RRP12: variants seen among roughly 807,000 people sequenced by gnomAD.
RRP12 encodes RRP12-like protein.
In RRP12, 78 loss-of-function variants were observed where a neutral mutation model predicts 157.3. That is an observed-to-expected ratio of 0.50 (90% CI 0.41 to 0.60). The LOEUF is 0.60. Ranked by LOEUF, RRP12 falls within the 20% of genes least tolerant of loss-of-function variation. RRP12 has a pLI of 0.00. For synonymous variants in RRP12, 726 were observed against 670.9 expected (o/e 1.08, Z -1.27); for missense variants, 1,521 against 1,679.9 (o/e 0.91, Z 1.65).
At chr10:97,369,748 C>CT (rs2133045314) in intron 24 of RRP12, among the ~76,000 whole-genome samples, 166 bp from the exon 25 acceptor site, 1 of 152,348 alleles carries the variant, frequency 6.6e-6, no homozygotes, top group Non-Finnish European at 1.5e-5. Flanking sequence ...GTCTTGGGTC[C>CT]TTTCGTCACC....
Position 97,400,517 on chromosome 10 carries a change from C to T in RRP12, c.157G>A (p.Val53Ile), listed in dbSNP as rs1395008372. The T allele has an allele frequency of 1.2e-6, 2 of 1,613,766 alleles. No individual in the cohort carries two copies. Among genetic ancestry groups the T allele is most frequent in the African/African-American group, 2.7e-5 (2 of 74,910 alleles). ...TCATTATGTAACTTCACAGCATCGA[C>T]TGTCAGGTCACTCCTTCCTGAGAGC... ...SRPSGRSDLT[V>I]DAVKLHNELQ... The change falls in exon 2 of 34, where the codon GTC (valine) becomes ATC (isoleucine). Residue 53 changes from valine to isoleucine, a missense_variant. Transcript: ENST00000370992.
chr10:97,365,272 GTTT>G (rs34050240), intron 29 of RRP12, among the ~76,000 whole-genome samples: 4 of 118,452 alleles, frequency 3.4e-5, no homozygotes, highest in Non-Finnish European at 3.5e-5. Context: ...AGACCTAGGT[GTTT>G]TTTTTTTTTT....
chr10:97,366,177 C>A lies in RRP12; in HGVS notation c.3448G>T (p.Ala1150Ser). Residue 1150 changes from alanine to serine, a missense_variant, in exon 29 of 34, where the codon GCC becomes TCC. By Grantham distance (99) the Ala-to-Ser change is moderately conservative. Coordinates refer to ENST00000370992, the MANE Select transcript of RRP12 (RefSeq NM_015179.4). ...TCCCTTATGATCAGCCGGCCATCGGCGCTCACCTTGAAGCCGTGGTCCTTC... is the reference window on the plus strand; with the variant it reads ...TCCCTTATGATCAGCCGGCCATCGGAGCTCACCTTGAAGCCGTGGTCCTTC... ...RKKDHGFKVS[A>S]DGRLIIREEA... 6.2e-7 allele frequency: 1 copy of A among 1,610,500 alleles called. No individual in the cohort carries two copies. Among genetic ancestry groups the A allele is most frequent in the Non-Finnish European group, 8.5e-7 (1 of 1,179,948 alleles).
intron 24 of RRP12, 113 bp from the exon 25 acceptor site, chr10:97,369,695 T>C (rs541712016): frequency 1.3e-5 from 15 of 1,140,868 alleles, no homozygotes; most frequent in Middle Eastern, 4.0e-4. Context: ...ATTGAGAGCC[T>C]TTCCGTATGC....
chr10:97,375,089 C>T (rs1431972907), intron 15 of RRP12, among the ~76,000 whole-genome samples: 1 of 151,954 alleles, frequency 6.6e-6, no homozygotes, highest in Non-Finnish European at 1.5e-5. Context: ...TTCTTTCTTT[C>T]TTTATAATGC....
intron 2 of RRP12, 27 bp from the exon 3 acceptor site, chr10:97,396,328 ACT>A: frequency 1.9e-6 from 3 of 1,573,524 alleles, no homozygotes; most frequent in Non-Finnish European, 2.6e-6. Context: ...AAGCACTGTG[ACT>A]ATTTTAGACC....
chr10:97,363,118 G>C (rs1843885957), intron 30 of RRP12, among the ~76,000 whole-genome samples: 1 of 152,216 alleles, frequency 6.6e-6, no homozygotes, highest in Non-Finnish European at 1.5e-5. Context: ...CCTGATGTAG[G>C]CTCTGTCACC....
intron 10 of RRP12, among the ~76,000 whole-genome samples, chr10:97,384,218 C>A (rs1011203412): frequency 4.0e-5 from 6 of 150,860 alleles, no homozygotes; most frequent in African/African-American, 1.5e-4. Context: ...TCTGAGCACC[C>A]CCAACCTCAG....
chr10:97,386,456 A>T (rs1156239757), intron 8 of RRP12, among the ~76,000 whole-genome samples: 1 of 152,034 alleles, frequency 6.6e-6, no homozygotes, highest in African/African-American at 2.4e-5. Context: ...TGCTAAGGTT[A>T]CAGGTGTGAG....
At chr10:97,385,035 AC>A (rs1197637108) in intron 10 of RRP12, 130 bp downstream of exon 10, 8 of 402,614 alleles carry the variant, frequency 2.0e-5, no homozygotes, top group Non-Finnish European at 3.0e-5. Flanking sequence ...GGCCCTAAGG[AC>A]CCCCCCAACC....
chr10:97,396,726 T>C (rs563360604), intron 2 of RRP12, among the ~76,000 whole-genome samples: 6 of 152,082 alleles, frequency 3.9e-5, no homozygotes, highest in African/African-American at 1.4e-4. Flanking sequence ...TTATAAAAAA[T>C]GGTGTAGTAT....
intron 23 of RRP12, 62 bp downstream of exon 23, chr10:97,370,393 G>C: frequency 7.2e-7 from 1 of 1,394,572 alleles, no homozygotes; most frequent in Non-Finnish European, 9.9e-7. Context: ...CCTTTTTTGA[G>C]GGGTGCTTCC....
intron 3 of RRP12, among the ~76,000 whole-genome samples, chr10:97,394,493 G>T (rs1844899936): frequency 6.6e-6 from 1 of 152,144 alleles, no homozygotes; most frequent in Non-Finnish European, 1.5e-5. Flanking sequence ...AAGCTCAAGA[G>T]ATCCTCCCAC....
intron 29 of RRP12, among the ~76,000 whole-genome samples, chr10:97,365,520 G>A (rs574959256): frequency 2.5e-4 from 38 of 152,160 alleles, no homozygotes; most frequent in Non-Finnish European, 4.3e-4. Context: ...TGATCTGCGC[G>A]CCTTGGCCTC....
At chr10:97,373,960 A>C in intron 15 of RRP12, 66 bp from the exon 16 acceptor site, 2 of 1,402,342 alleles carry the variant, frequency 1.4e-6, no homozygotes, top group Non-Finnish European at 2.0e-6. Flanking sequence ...TTATTTACCA[A>C]ACCAAACCAA....
At chr10:97,381,206 G>A (rs1198210639) in intron 12 of RRP12, among the ~76,000 whole-genome samples, 180 bp downstream of exon 12, 4 of 152,238 alleles carry the variant, frequency 2.6e-5, no homozygotes, top group Admixed American at 6.5e-5. Flanking sequence ...GCTAAAACAT[G>A]GCAGGTGCTC....
Position 97,373,049 on chromosome 10 carries a change from A to G in RRP12, c.2178T>C (p.Thr726=), listed in dbSNP as rs750876291. The G allele has an allele frequency of 6.2e-7, 1 of 1,610,336 alleles. No individual in the cohort carries two copies. Among genetic ancestry groups the G allele is most frequent in the Non-Finnish European group, 8.5e-7 (1 of 1,177,652 alleles). Residue 726 remains threonine (T), a synonymous_variant, in exon 18 of 34, where the codon ACT becomes ACC. Transcript: ENST00000370992. The part of the protein sequence containing the change: ...TIRTYLTITD[T]QLVNSLLEKA... ...TTCCCTCCCTTCCGTGGCTCACCTG[A>G]GTGTCAGTGATGGTGAGGTAAGTTC...
intron 15 of RRP12, among the ~76,000 whole-genome samples, chr10:97,378,022 G>A (rs1022190190): frequency 8.5e-5 from 13 of 152,086 alleles, no homozygotes; most frequent in Admixed American, 3.3e-4. Context: ...CTATCCTCAC[G>A]TAGGCCTGAG....
At position 97,372,199 on chromosome 10, in the gene RRP12, G is replaced by T. The variant is rs766120430; in HGVS notation, c.2250-33C>A. On this transcript the variant is annotated intron_variant, in intron 19 of 33. Coordinates refer to ENST00000370992, the MANE Select transcript of RRP12 (RefSeq NM_015179.4). ...GGGCAGGAGGACAAGGAGAGGGATG[G>T]GGAGCTGGAGAAGGGCGCAGACTAC... 4 of 1,570,664 alleles carry T rather than the reference G, an allele frequency of 2.5e-6. No homozygotes were observed. The African/African-American group carries it at 5.4e-5, about 21-fold the overall frequency.
Sources: gnomAD v4.1 joint callset for allele counts (sites outside exome capture counted in the v4.1 genomes callset) on GRCh38, gnomAD v4.1.1 for gene constraint, MANE v1.5 for transcripts, NCBI Gene and HGNC (gene_info 2026-07-23, HGNC 2026-07-21) for gene names.